The following LUZP2 variants were observed in gnomAD, a reference collection of about 807,000 sequenced individuals.
The protein encoded by LUZP2 is leucine zipper protein 2.
In LUZP2, 52 loss-of-function variants were observed where a neutral mutation model predicts 51.6. The ratio of observed to expected loss-of-function variants is 1.01; its 90% CI spans 0.81 to 1.27. The LOEUF is 1.27. Ranked by LOEUF, LUZP2 falls within the 50% of genes most tolerant of loss-of-function variation. LUZP2 has a pLI of 0.00. For missense variants in LUZP2, 436 were observed against 395.4 expected (o/e 1.10, Z -0.87); for synonymous variants, 154 against 137.3 (o/e 1.12, Z -0.85).
intron 9 of LUZP2, among the ~76,000 whole-genome samples, chr11:25,035,497 A>G (rs962674564): frequency 1.3e-5 from 2 of 152,192 alleles, no homozygotes; most frequent in South Asian, 2.1e-4. Flanking sequence ...AAGTATCTCT[A>G]CAAGAAGAAC....
intron 1 of LUZP2, among the ~76,000 whole-genome samples, chr11:24,539,846 TA>T (rs1851300608): frequency 6.6e-6 from 1 of 152,100 alleles, no homozygotes. Context: ...TTCATTCATA[TA>T]AATATGTTTA....
intron 9 of LUZP2, among the ~76,000 whole-genome samples, chr11:25,041,013 A>G (rs1293132561): frequency 1.3e-5 from 2 of 152,018 alleles, no homozygotes; most frequent in African/African-American, 2.4e-5. Context: ...GCTACAGGCT[A>G]TGTGCCCTTC....
At chr11:24,616,640 T>C (rs1443534299) in intron 1 of LUZP2, among the ~76,000 whole-genome samples, 9 of 152,178 alleles carry the variant, frequency 5.9e-5, no homozygotes, top group Non-Finnish European at 1.3e-4. Context: ...TTCTGAGTTG[T>C]CAGTGGTGTT....
At chr11:24,682,359 G>T (rs1185025756) in intron 1 of LUZP2, among the ~76,000 whole-genome samples, 1 of 151,578 alleles carries the variant, frequency 6.6e-6, no homozygotes, top group Non-Finnish European at 1.5e-5. Context: ...GCCGGCTACG[G>T]TGGCAAGTGT....
intron 5 of LUZP2, among the ~76,000 whole-genome samples, chr11:24,840,748 T>C (rs1341116817): frequency 6.6e-6 from 1 of 151,940 alleles, no homozygotes; most frequent in African/African-American, 2.4e-5. Context: ...TAAATGGCAA[T>C]ACAGAAAGCA....
chr11:24,958,539 C>T (rs1215891915), intron 7 of LUZP2, among the ~76,000 whole-genome samples: 1 of 152,094 alleles, frequency 6.6e-6, no homozygotes, highest in South Asian at 2.1e-4. Flanking sequence ...TTTTTGGCTG[C>T]ATAAATGTCT....
At chr11:24,755,014 C>T (rs527507048) in intron 4 of LUZP2, among the ~76,000 whole-genome samples, 5 of 151,912 alleles carry the variant, frequency 3.3e-5, no homozygotes, top group East Asian at 1.9e-4. Context: ...GGCATAGTGG[C>T]GGGGCTTGTA....
intron 7 of LUZP2, among the ~76,000 whole-genome samples, chr11:24,936,951 A>G (rs769598175): frequency 7.9e-5 from 12 of 152,182 alleles, no homozygotes; most frequent in Admixed American, 3.3e-4. Flanking sequence ...TTAAGGTTGC[A>G]AATACCTATA....
At chr11:24,571,077 A>T (rs1042885604) in intron 1 of LUZP2, among the ~76,000 whole-genome samples, 1 of 152,058 alleles carries the variant, frequency 6.6e-6, no homozygotes, top group African/African-American at 2.4e-5. Context: ...CCACAAAAAT[A>T]ATCTTGCAAC....
chr11:25,066,750 T>A (rs770152999), intron 10 of LUZP2, among the ~76,000 whole-genome samples: 1 of 151,894 alleles, frequency 6.6e-6, no homozygotes, highest in African/African-American at 2.4e-5. Context: ...TAGAGAGAGT[T>A]AAAAGTTTAA....
intron 5 of LUZP2, among the ~76,000 whole-genome samples, chr11:24,797,401 G>T (rs1389808361): frequency 1.3e-5 from 2 of 152,126 alleles, no homozygotes; most frequent in Non-Finnish European, 1.5e-5. Context: ...GGCAAACACT[G>T]TATGAATTTG....
At chr11:24,730,821 A>G (rs553311765) in intron 2 of LUZP2, among the ~76,000 whole-genome samples, 10 of 151,892 alleles carry the variant, frequency 6.6e-5, no homozygotes, top group South Asian at 6.2e-4. Flanking sequence ...TTATGGAGCT[A>G]CATTTGCTGA....
intron 1 of LUZP2, among the ~76,000 whole-genome samples, chr11:24,667,159 G>A (rs1856239999): frequency 2.0e-5 from 3 of 150,158 alleles, no homozygotes; most frequent in Admixed American, 1.3e-4. Flanking sequence ...TACTTCAACA[G>A]CCCAAATATA....
intron 9 of LUZP2, among the ~76,000 whole-genome samples, chr11:24,999,857 C>T (rs1219635885): frequency 3.3e-5 from 5 of 152,090 alleles, no homozygotes; most frequent in African/African-American, 1.2e-4. Context: ...TATTACAGCT[C>T]ATAAATTTAG....
rs137975637 is a variant in LUZP2, at chr11:24,772,301, T to A, written c.396+8993T>A. Among the ~76,000 whole-genome samples, 6 of 152,326 alleles carry A rather than the reference T, an allele frequency of 3.9e-5. No homozygotes were observed. In the East Asian group the frequency reaches 1.2e-3, roughly 29 times the overall value. ...TAAATCTTTCTAAAATAAATTATTC[T>A]ACCTTCTTGCCTCAATAAACACACT... is the stretch of plus-strand genomic sequence containing the variant. On this transcript the variant is annotated intron_variant, in intron 5 of 11. Transcript: ENST00000336930.
chr11:24,764,490 T>TAA (rs869045272), intron 5 of LUZP2, among the ~76,000 whole-genome samples: 75 of 94,028 alleles, frequency 8.0e-4, no homozygotes, highest in African/African-American at 2.4e-3. Flanking sequence ...ATCTCATCTC[T>TAA]AAAAAAAAAA....
At chr11:25,029,518 C>T (rs1461983163) in intron 9 of LUZP2, among the ~76,000 whole-genome samples, 9 of 152,074 alleles carry the variant, frequency 5.9e-5, no homozygotes, top group Non-Finnish European at 1.3e-4. Context: ...AGGCAGATTA[C>T]TTGAGATCAG....
intron 6 of LUZP2, among the ~76,000 whole-genome samples, chr11:24,912,607 G>A (rs573871424): frequency 2.6e-5 from 4 of 152,194 alleles, no homozygotes; most frequent in South Asian, 4.1e-4. Flanking sequence ...TCAGGAGTTC[G>A]AGACAAGCCT....
At chr11:24,814,509 G>A (rs1448614417) in intron 5 of LUZP2, among the ~76,000 whole-genome samples, 1 of 152,182 alleles carries the variant, frequency 6.6e-6, no homozygotes. Context: ...GCTGTGAAAT[G>A]AATTTTCTAT....
Sources: allele counts gnomAD v4.1 joint callset (sites outside exome capture counted in the v4.1 genomes callset), GRCh38; gene constraint gnomAD v4.1.1; transcripts MANE v1.5; gene names NCBI Gene and HGNC (gene_info 2026-07-23, HGNC 2026-07-21).